ARHGAP23: variants seen among roughly 807,000 people sequenced by gnomAD.
ARHGAP23 encodes Rho GTPase activating protein 23.
In ARHGAP23, 34 loss-of-function variants were observed where a neutral mutation model predicts 136.3. The ratio of observed to expected loss-of-function variants is 0.25; its 90% CI spans 0.19 to 0.33. ARHGAP23 has a LOEUF of 0.33. Among genes scored for constraint, ARHGAP23 ranks in the 10% least tolerant of loss-of-function variants. The pLI, the probability that ARHGAP23 is intolerant of heterozygous loss-of-function variation, is 1.00. For synonymous variants in ARHGAP23, 832 were observed against 920.5 expected (o/e 0.90, Z 1.74); for missense variants, 1,808 against 2,139.0 (o/e 0.85, Z 3.05).
intron 1 of ARHGAP23, among the ~76,000 whole-genome samples, chr17:38,421,472 G>T (rs2038520240): frequency 6.6e-6 from 1 of 152,168 alleles, no homozygotes; most frequent in South Asian, 2.1e-4. Flanking sequence ...GAGTGCGTCT[G>T]AAATCAGAGC....
chr17:38,425,178 C>T (rs527564555), upstream of ARHGAP23, among the ~76,000 whole-genome samples: 20 of 152,330 alleles, frequency 1.3e-4, no homozygotes, highest in African/African-American at 4.8e-4. Context: ...CGTCACACCC[C>T]CGCCTGTGTT....
In ARHGAP23 at chr17:38,471,903, C is replaced by G; in HGVS notation, c.2015C>G (p.Pro672Arg). Residue 672 changes from proline to arginine, a missense_variant, in exon 11 of 24, where the codon CCT becomes CGT. This residue lies in a region of ARHGAP23 where 139 missense variants were observed against 264.3 expected (regional missense o/e 0.53). Coordinates refer to ENST00000622683, the MANE Select transcript of ARHGAP23 (RefSeq NM_001199417.2). ...SWGTSEDADA[P>R]SKRHSTSDLS... The stretch of plus-strand genomic sequence containing the variant: ...GGCACCTCTGAAGATGCTGACGCTC[C>G]TTCTAAGCGACACTCAACCTCTGAC... 1 of 1,549,384 alleles carries G rather than the reference C, an allele frequency of 6.5e-7. No homozygotes were observed. Among genetic ancestry groups the G allele is most frequent in the Non-Finnish European group, 8.7e-7 (1 of 1,146,678 alleles).
At chr17:38,469,050 G>A (rs1317527150) in intron 7 of ARHGAP23, 94 bp from the exon 8 acceptor site, 9 of 1,344,488 alleles carry the variant, frequency 6.7e-6, no homozygotes, top group Non-Finnish European at 9.1e-6. Flanking sequence ...TCTGAGCCTG[G>A]AGGCGAGTGG....
At chr17:38,490,249 G>A (rs2040245622) in intron 18 of ARHGAP23, 74 bp downstream of exon 18, 43 of 1,435,228 alleles carry the variant, frequency 3.0e-5, no homozygotes, top group Non-Finnish European at 3.9e-5. Flanking sequence ...GAGGCAGGGA[G>A]TCCGGTGCTG....
intron 17 of ARHGAP23, among the ~76,000 whole-genome samples, chr17:38,487,756 A>G (rs186022968): frequency 6.6e-6 from 1 of 151,940 alleles, no homozygotes; most frequent in African/African-American, 2.4e-5. Context: ...CCCAGCTGCT[A>G]GGGAGGCCGA....
chr17:38,467,410 C>G, intron 7 of ARHGAP23, 79 bp downstream of exon 7: 1 of 1,355,240 alleles, frequency 7.4e-7, no homozygotes, highest in South Asian at 1.6e-5. Context: ...ATCTGCCTGT[C>G]TGCCATGGGC....
chr17:38,466,109 T>A, intron 6 of ARHGAP23, 58 bp from the exon 7 acceptor site: 2 of 1,373,096 alleles, frequency 1.5e-6, no homozygotes, highest in Non-Finnish European at 1.9e-6. Context: ...GGGCTGCCGT[T>A]CCCCTACCCT....
intron 1 of ARHGAP23, among the ~76,000 whole-genome samples, chr17:38,421,856 T>C (rs1277519744): frequency 6.6e-6 from 1 of 152,200 alleles, no homozygotes; most frequent in African/African-American, 2.4e-5. Flanking sequence ...CTCTAATCCC[T>C]TCCCCTTTGC....
chr17:38,509,783 G>A (rs2040713242), intron 23 of ARHGAP23, among the ~76,000 whole-genome samples, 161 bp from the exon 24 acceptor site: 1 of 152,176 alleles, frequency 6.6e-6, no homozygotes, highest in Admixed American at 6.5e-5. Flanking sequence ...AGGGCGGCAC[G>A]GGGCTGGAGG....
upstream of ARHGAP23, among the ~76,000 whole-genome samples, chr17:38,427,648 G>C (rs1338045852): frequency 6.6e-6 from 1 of 152,174 alleles, no homozygotes; most frequent in African/African-American, 2.4e-5. Context: ...GGGAGCCTCT[G>C]CTGTCACTGC....
At chr17:38,467,425 T>C in intron 7 of ARHGAP23, 94 bp downstream of exon 7, 1 of 1,219,562 alleles carries the variant, frequency 8.2e-7, no homozygotes, top group Non-Finnish European at 1.1e-6. Context: ...ATGGGCAGAA[T>C]TCGGCTGGGT....
rs758415658 is a variant in ARHGAP23, at chr17:38,500,609, G to A, written c.3428G>A (p.Cys1143Tyr). The A allele has an allele frequency of 8.4e-6, 13 of 1,548,944 alleles. No individual in the cohort carries two copies. The South Asian group carries it at 1.5e-4, about 18-fold the overall frequency. ...CTTTCACCAACAGATTCTACCACCT[G>A]TAGTTCAGCCAAGTCCAAGGTACGT... ...PGDPGSDSTTCSSAKSKGSWA... is the reference protein window; with the variant it reads ...PGDPGSDSTTYSSAKSKGSWA... The change falls in exon 23 of 24, where the codon TGT (cysteine) becomes TAT (tyrosine). Residue 1143 changes from cysteine (C) to tyrosine (Y), a missense_variant. This residue lies in a region of ARHGAP23 where 104 missense variants were observed against 131.8 expected (regional missense o/e 0.79). Coordinates refer to ENST00000622683, the MANE Select transcript of ARHGAP23 (RefSeq NM_001199417.2).
intron 1 of ARHGAP23, among the ~76,000 whole-genome samples, chr17:38,441,816 G>C (rs548933318): frequency 1.3e-5 from 2 of 152,162 alleles, no homozygotes; most frequent in Non-Finnish European, 2.9e-5. Context: ...TGGGGAGCAG[G>C]CTCTGAGTCT....
chr17:38,469,847 G>A lies in ARHGAP23; in HGVS notation c.1917G>A (p.Arg639=), dbSNP rs1418476959. The A allele has an allele frequency of 2.6e-6, 4 of 1,551,542 alleles. No homozygotes were observed. The South Asian group carries it at 3.6e-5, about 14-fold the overall frequency. Residue 639 remains arginine (R), a splice_region_variant and synonymous_variant, in exon 10 of 24, where the codon CGG becomes CGA. Transcript: ENST00000622683. ...NTFRDEGRVL[R]RLPNRIPSLR... is the part of the protein sequence containing the mutation. Reference sequence around the variant, plus strand: ...CTCACCCTCGACCCTCGCTTTCCAGGCGCCTGCCAAACCGCATACCCAGCC... The same window carrying A: ...CTCACCCTCGACCCTCGCTTTCCAGACGCCTGCCAAACCGCATACCCAGCC...
intron 17 of ARHGAP23, among the ~76,000 whole-genome samples, chr17:38,486,589 T>C (rs1413551538): frequency 6.6e-6 from 1 of 150,992 alleles, no homozygotes; most frequent in Non-Finnish European, 1.5e-5. Flanking sequence ...ACATAGATTG[T>C]ACAGATGTGA....
chr17:38,488,494 C>G (rs920918968), intron 17 of ARHGAP23, among the ~76,000 whole-genome samples: 27 of 152,192 alleles, frequency 1.8e-4, no homozygotes, highest in African/African-American at 6.3e-4. Context: ...TTTGGCCTGC[C>G]ATTTGCCTTT....
intron 23 of ARHGAP23, among the ~76,000 whole-genome samples, chr17:38,505,228 G>A (rs2040607466): frequency 1.3e-5 from 2 of 151,604 alleles, no homozygotes. Context: ...GGCTGTTCTT[G>A]AATTCCTGGC....
chr17:38,421,494 C>T (rs2038520342), intron 1 of ARHGAP23, among the ~76,000 whole-genome samples: 1 of 152,260 alleles, frequency 6.6e-6, no homozygotes, highest in African/African-American at 2.4e-5. Flanking sequence ...TCTTTCATTG[C>T]ACCAGGGGAA....
At chr17:38,439,040 G>A (rs1466280462) in intron 1 of ARHGAP23, among the ~76,000 whole-genome samples, 1 of 151,876 alleles carries the variant, frequency 6.6e-6, no homozygotes, top group Non-Finnish European at 1.5e-5. Context: ...GCTGGGTGTA[G>A]TGGCGGGCAC....
Sources: allele counts gnomAD v4.1 joint callset (sites outside exome capture counted in the v4.1 genomes callset), GRCh38; gene constraint gnomAD v4.1.1; regional missense constraint gnomAD v4.1.1; transcripts MANE v1.5; gene names NCBI Gene and HGNC (gene_info 2026-07-23, HGNC 2026-07-21).